The following MEIS2 variants were observed in gnomAD, a reference collection of about 807,000 sequenced individuals.
MEIS2 encodes the protein homeobox protein Meis2.
Under a neutral mutation model 58.6 loss-of-function variants are expected in MEIS2, and 9 were observed. The ratio of observed to expected loss-of-function variants is 0.15; its 90% CI spans 0.09 to 0.27. The LOEUF is 0.27. Among genes scored for constraint, MEIS2 ranks in the 10% least tolerant of loss-of-function variants. The pLI is 1.00. For missense variants in MEIS2, 427 were observed against 635.0 expected, an observed-to-expected ratio of 0.67 and a Z score of 3.52; for synonymous variants, 221 against 228.4, an observed-to-expected ratio of 0.97 and a Z score of 0.29.
intron 8 of MEIS2, among the ~76,000 whole-genome samples, chr15:37,031,495 T>C (rs76827980): frequency 0.017 from 2,482 of 150,404 alleles, 69 homozygotes; most frequent in African/African-American, 0.056. Flanking sequence ...GGTCATATGG[T>C]CTTGATGAAC....
intron 9 of MEIS2, among the ~76,000 whole-genome samples, chr15:36,916,464 C>CT (rs2057286596): frequency 6.7e-6 from 1 of 150,254 alleles, no homozygotes; most frequent in South Asian, 2.1e-4. Flanking sequence ...CAGGGTCTCA[C>CT]TTTTTTGCCC....
chr15:37,017,103 T>C (rs1430014303), intron 8 of MEIS2, among the ~76,000 whole-genome samples: 6 of 152,150 alleles, frequency 3.9e-5, no homozygotes, highest in Non-Finnish European at 7.4e-5. Flanking sequence ...TACATTCCCC[T>C]CCAATCTCTT....
chr15:37,030,904 G>A (rs2061894855), intron 8 of MEIS2, among the ~76,000 whole-genome samples: 1 of 152,096 alleles, frequency 6.6e-6, no homozygotes. Context: ...GCCTCCCAAA[G>A]TGTTGGGGTT....
At chr15:36,953,296 T>C (rs1263643886) in intron 8 of MEIS2, among the ~76,000 whole-genome samples, 2 of 152,210 alleles carry the variant, frequency 1.3e-5, no homozygotes, top group Non-Finnish European at 2.9e-5. Flanking sequence ...ACAGACATCC[T>C]ATTGAAATAA....
intron 7 of MEIS2, among the ~76,000 whole-genome samples, chr15:37,067,435 C>T (rs937401106): frequency 6.6e-6 from 1 of 151,968 alleles, no homozygotes; most frequent in African/African-American, 2.4e-5. Flanking sequence ...TGCCCAGGCT[C>T]TCCCACCCTT....
At chr15:37,094,277 A>G (rs1223337173) in intron 5 of MEIS2, among the ~76,000 whole-genome samples, 1 of 152,162 alleles carries the variant, frequency 6.6e-6, no homozygotes, top group Non-Finnish European at 1.5e-5. Flanking sequence ...GGTTTGCTGC[A>G]TTTCAAAATA....
chr15:37,053,774 G>A (rs2063023037), intron 7 of MEIS2, among the ~76,000 whole-genome samples: 1 of 152,018 alleles, frequency 6.6e-6, no homozygotes, highest in African/African-American at 2.4e-5. Context: ...ATATATGATG[G>A]GAAATGAAGT....
intron 7 of MEIS2, among the ~76,000 whole-genome samples, chr15:37,054,778 A>C (rs2063067601): frequency 6.6e-6 from 1 of 152,246 alleles, no homozygotes; most frequent in Admixed American, 6.5e-5. Flanking sequence ...ATTTAGAAAA[A>C]GGAAGTATTC....
rs976935492 is a variant in MEIS2 at position 36,914,204 on chromosome 15, A to G, written c.978-17518T>C. Among the ~76,000 whole-genome samples the G allele has an allele frequency of 2.6e-5, 4 of 152,188 alleles. No homozygotes were observed. The South Asian group carries it at 6.2e-4, about 24-fold the overall frequency. The stretch of plus-strand genomic sequence containing the variant: ...TGAGGATGTACATGTGTGGTTATGA[A>G]CTGGACAAAGGAAGATGGAGAAGCG... On this transcript the variant is annotated intron_variant, in intron 9 of 11. Coordinates refer to ENST00000561208, the MANE Select transcript of MEIS2 (RefSeq NM_170675.5).
intron 9 of MEIS2, among the ~76,000 whole-genome samples, chr15:36,910,772 C>T (rs574983405): frequency 1.9e-4 from 29 of 152,208 alleles, no homozygotes; most frequent in African/African-American, 4.8e-4. Flanking sequence ...TCTTGCTGGG[C>T]GCAGTGGCTC....
intron 8 of MEIS2, among the ~76,000 whole-genome samples, chr15:37,018,859 C>T (rs1032801338): frequency 2.6e-5 from 4 of 152,042 alleles, no homozygotes; most frequent in Admixed American, 2.0e-4. Context: ...AAAAACAGGC[C>T]AGGGAATGGA....
intron 8 of MEIS2, among the ~76,000 whole-genome samples, chr15:36,966,432 T>C (rs1258483981): frequency 1.3e-5 from 2 of 152,182 alleles, no homozygotes; most frequent in East Asian, 1.9e-4. Flanking sequence ...AGACGAGTAT[T>C]ATGGCTAAAA....
chr15:36,943,659 CT>C (rs1223956244), intron 9 of MEIS2, among the ~76,000 whole-genome samples: 2 of 152,042 alleles, frequency 1.3e-5, no homozygotes, highest in Non-Finnish European at 2.9e-5. Context: ...AAACTAGGAA[CT>C]TTTTTTCTCC....
intron 9 of MEIS2, among the ~76,000 whole-genome samples, chr15:36,941,105 A>C (rs2058358820): frequency 6.6e-6 from 1 of 152,200 alleles, no homozygotes; most frequent in Non-Finnish European, 1.5e-5. Flanking sequence ...CCATGGGAAC[A>C]TCACAGGATA....
rs1595918511 is a variant in MEIS2, at chr15:37,010,222, G to A, written c.900+26592C>T. On this transcript the variant is annotated intron_variant, in intron 8 of 11. Coordinates refer to ENST00000561208, the MANE Select transcript of MEIS2 (RefSeq NM_170675.5). ...CCTGCCTCAGCCTCCCGAGTAGCTG[G>A]GACTACAGGCACCCACCACCACACC... 2.0e-5 allele frequency among the ~76,000 whole-genome samples: 3 copies of A among 151,806 alleles called. No individual in the cohort carries two copies. In the East Asian group the frequency reaches 5.8e-4, roughly 29 times the overall value.
chr15:37,097,042 T>C (rs150483340), intron 2 of MEIS2, among the ~76,000 whole-genome samples: 80 of 152,286 alleles, frequency 5.3e-4, no homozygotes, highest in African/African-American at 1.9e-3. Context: ...AATAGGAAGG[T>C]TACACACTGG....
At chr15:37,066,224 C>T (rs1307297723) in intron 7 of MEIS2, 1 of 152,066 alleles carries the variant, frequency 6.6e-6, no homozygotes, top group Admixed American at 6.6e-5. Flanking sequence ...CTTATGATGG[C>T]TCAGGCTCCA....
chr15:36,953,027 T>C lies in MEIS2; in HGVS notation c.901-2627A>G, dbSNP rs983358531. ...ACTTTAACTTATTTAAATAATGGTC[T>C]GTGGTTTTTGAACATTCATGATTCC... On this transcript the variant is annotated intron_variant, in intron 8 of 11. Coordinates refer to ENST00000561208, the MANE Select transcript of MEIS2 (RefSeq NM_170675.5). Among the ~76,000 whole-genome samples, 14 of 152,254 alleles carry C rather than the reference T, an allele frequency of 9.2e-5. No homozygotes were observed. In the East Asian group the frequency reaches 1.7e-3, roughly 19 times the overall value.
chr15:36,944,882 T>C (rs1238345713), intron 9 of MEIS2, among the ~76,000 whole-genome samples: 1 of 152,048 alleles, frequency 6.6e-6, no homozygotes, highest in Admixed American at 6.6e-5. Context: ...CCTTCAATCC[T>C]TTCTCTCTTG....
Sources: allele counts gnomAD v4.1 joint callset (sites outside exome capture counted in the v4.1 genomes callset), GRCh38; gene constraint gnomAD v4.1.1; transcripts MANE v1.5; gene names NCBI Gene and HGNC (gene_info 2026-07-23, HGNC 2026-07-21).